Variants in GRK3 observed in about 807,000 individuals in gnomAD.
GRK3 encodes adrenergic, beta, receptor kinase 2.
Under a neutral mutation model 95.7 loss-of-function variants are expected in GRK3, and 54 were observed. The observed-to-expected ratio is 0.56, with a 90% CI of 0.45 to 0.71. The LOEUF (loss-of-function observed/expected upper bound fraction) is 0.71. Ranked by LOEUF, GRK3 falls within the 30% of genes least tolerant of loss-of-function variation. GRK3 has a pLI of 0.00. For missense variants in GRK3, 649 were observed against 851.2 expected (o/e 0.76, Z 2.96); for synonymous variants, 281 against 290.8 (o/e 0.97, Z 0.34).
In GRK3 at chr22:25,695,351, G is replaced by A. The variant is rs538382920; in HGVS notation, c.1160+137G>A. ...GATCTTTAAGCCATGTGCTAATCTG[G>A]AAGACTCTGTCTTAGAAGAGTGAAA... On this transcript the variant is annotated intron_variant, in intron 13 of 20. Transcript: ENST00000324198. 1.0e-5 allele frequency: 6 copies of A among 595,752 alleles called. No individual in the cohort carries two copies. The South Asian group carries it at 1.5e-4, about 15-fold the overall frequency. 36.9% of individuals were successfully genotyped at this position (595,752 alleles called of 1,614,324 possible). A position where few individuals can be genotyped will look rare whatever the true frequency, so the allele number is the denominator to read the frequency against.
At chr22:25,581,716 G>A (rs1932105011) in intron 1 of GRK3, among the ~76,000 whole-genome samples, 1 of 151,944 alleles carries the variant, frequency 6.6e-6, no homozygotes, top group Non-Finnish European at 1.5e-5. Context: ...AGAAAACGAT[G>A]ATCTGTTTAC....
At chr22:25,636,297 C>T (rs1229811225) in intron 2 of GRK3, among the ~76,000 whole-genome samples, 2 of 152,146 alleles carry the variant, frequency 1.3e-5, no homozygotes, top group Non-Finnish European at 2.9e-5. Context: ...ATAAACAGAG[C>T]AAGGAAATGT....
In GRK3 at chr22:25,709,596, T is replaced by TTG. The variant is rs3830752; in HGVS notation, c.1329-285_1329-284dup. ...TTATGTTCTCCTGACTATAGAATTA[T>TTG]TGTGTGTGTGTGTGTGTGCGTGTGT... On this transcript the variant is annotated intron_variant, in intron 15 of 20. Transcript: ENST00000324198. Among the ~76,000 whole-genome samples, 792 of 150,566 alleles carry TTG rather than the reference T, an allele frequency of 5.3e-3. 5 individuals carry two copies. The highest frequency in any genetic ancestry group is 0.048 in the Middle Eastern group (14 of 292).
At chr22:25,699,699 CTTTTT>C (rs532664312) in intron 13 of GRK3, among the ~76,000 whole-genome samples, 1 of 129,242 alleles carries the variant, frequency 7.7e-6, no homozygotes, top group Non-Finnish European at 1.7e-5. Context: ...CTTTTCTTTT[CTTTTT>C]TTTTTTTTTT....
At chr22:25,680,176 C>T (rs1472504284) in intron 9 of GRK3, among the ~76,000 whole-genome samples, 2 of 152,202 alleles carry the variant, frequency 1.3e-5, no homozygotes, top group Non-Finnish European at 2.9e-5. Flanking sequence ...TAAGTTACAA[C>T]AAATGGAAAC....
intron 12 of GRK3, among the ~76,000 whole-genome samples, chr22:25,694,411 G>A (rs757664772): frequency 7.9e-5 from 12 of 152,274 alleles, no homozygotes; most frequent in East Asian, 1.9e-4. Flanking sequence ...AAGGGCTTTC[G>A]AATTGCAGAT....
At chr22:25,607,824 G>A (rs546341030) in intron 2 of GRK3, among the ~76,000 whole-genome samples, 1 of 150,462 alleles carries the variant, frequency 6.6e-6, no homozygotes, top group Admixed American at 6.6e-5. Flanking sequence ...CAAGTGATCT[G>A]CCCACCTCAG....
In GRK3 at chr22:25,722,559, T is replaced by G; in HGVS notation, c.*109T>G. On this transcript the variant is annotated 3_prime_UTR_variant, in exon 21 of 21. Coordinates refer to ENST00000324198, the MANE Select transcript of GRK3 (RefSeq NM_005160.4). ...ATTCGCTACCGGGACTCCTCCAGGC[T>G]CCCGAGAGGAGTCGGGACCCTTCGG... 1.7e-6 allele frequency: 2 copies of G among 1,204,192 alleles called. No homozygotes were observed. The highest frequency in any genetic ancestry group is 2.3e-6 in the Non-Finnish European group (2 of 862,984). The allele number at this position is 1,204,192 out of a possible 1,614,324, so 74.6% of individuals were successfully genotyped here.
intron 14 of GRK3, 66 bp from the exon 15 acceptor site, chr22:25,704,043 T>C: frequency 1.7e-6 from 2 of 1,179,520 alleles, no homozygotes; most frequent in Non-Finnish European, 2.5e-6. Flanking sequence ...AGTCTTTAAG[T>C]CTGGTTGAGT....
chr22:25,622,229 T>A (rs2084591509), intron 2 of GRK3, among the ~76,000 whole-genome samples: 1 of 151,896 alleles, frequency 6.6e-6, no homozygotes, highest in African/African-American at 2.4e-5. Flanking sequence ...GGCAGAGAAG[T>A]GAGTTGGTAG....
In GRK3 at chr22:25,647,870, G is replaced by C. The variant is rs1601499372; in HGVS notation, c.264+3205G>C. The C allele has an allele frequency of 1.2e-5, 8 of 672,682 alleles. No individual in the cohort carries two copies. The East Asian group carries it at 2.4e-4, about 20-fold the overall frequency. The allele number at this position is 672,682 out of a possible 1,614,324, so 41.7% of individuals were successfully genotyped here. On this transcript the variant is annotated intron_variant, in intron 3 of 20. Coordinates refer to ENST00000324198, the MANE Select transcript of GRK3 (RefSeq NM_005160.4). ...TCATGCCTGTAATCCCAGCACTTTG[G>C]GAGGCCGAGTTGGGCGGATCACCTG...
At chr22:25,621,070 T>C (rs1295115574) in intron 2 of GRK3, among the ~76,000 whole-genome samples, 1 of 152,242 alleles carries the variant, frequency 6.6e-6, no homozygotes, top group African/African-American at 2.4e-5. Context: ...GCATGTTTCA[T>C]TTAAAAGTGC....
intron 2 of GRK3, among the ~76,000 whole-genome samples, chr22:25,633,900 G>A (rs2084681485): frequency 6.6e-6 from 1 of 152,006 alleles, no homozygotes; most frequent in African/African-American, 2.4e-5. Context: ...ACATAGTTAT[G>A]GTGAGTGTTC....
chr22:25,630,875 C>A (rs2084659322), intron 2 of GRK3, among the ~76,000 whole-genome samples: 1 of 152,174 alleles, frequency 6.6e-6, no homozygotes, highest in Non-Finnish European at 1.5e-5. Flanking sequence ...AGAAGAAGAT[C>A]CAACTGTTTA....
At chr22:25,592,442 T>C (rs1418505760) in intron 1 of GRK3, among the ~76,000 whole-genome samples, 20 of 152,202 alleles carry the variant, frequency 1.3e-4, no homozygotes, top group Non-Finnish European at 2.8e-4. Context: ...TTTCATCCTC[T>C]TAAGTGTCTT....
intron 8 of GRK3, among the ~76,000 whole-genome samples, chr22:25,678,036 C>T (rs1030831139): frequency 1.1e-4 from 16 of 152,120 alleles, no homozygotes; most frequent in Admixed American, 5.2e-4. Context: ...ACTTAAATAT[C>T]AAAATTAAAA....
At chr22:25,600,998 C>T (rs1351725564) in intron 1 of GRK3, among the ~76,000 whole-genome samples, 2 of 152,202 alleles carry the variant, frequency 1.3e-5, no homozygotes, top group African/African-American at 4.8e-5. Context: ...ATGTACTTAA[C>T]AACAGAGCAG....
rs2085125493 is a variant in GRK3, at chr22:25,687,532, T to C, written c.827-5T>C. ...CTTTGAATTAAATTCTGAATCTGAT[T>C]CCAGGGGGCGATTTGCACTACCACC... On this transcript the variant is annotated splice_polypyrimidine_tract_variant and splice_region_variant and intron_variant, in intron 10 of 20. Transcript: ENST00000324198. The C allele has an allele frequency of 6.2e-7, 1 of 1,612,650 alleles. No homozygotes were observed. The highest frequency in any genetic ancestry group is 8.5e-7 in the Non-Finnish European group (1 of 1,179,406).
intron 1 of GRK3, among the ~76,000 whole-genome samples, chr22:25,593,916 C>T (rs1932582429): frequency 6.6e-6 from 1 of 152,112 alleles, no homozygotes; most frequent in African/African-American, 2.4e-5. Flanking sequence ...GCTAAAGCTG[C>T]ATGTGGCTTT....
Sources: gnomAD v4.1 joint callset for allele counts (sites outside exome capture counted in the v4.1 genomes callset) on GRCh38, gnomAD v4.1.1 for gene constraint, MANE v1.5 for transcripts, NCBI Gene and HGNC (gene_info 2026-07-23, HGNC 2026-07-21) for gene names.